Variants in DUOX1 observed in about 807,000 individuals in gnomAD.
DUOX1 encodes the protein dual oxidase 1.
Under a neutral mutation model 181.8 loss-of-function variants are expected in DUOX1, and 134 were observed. The observed-to-expected ratio is 0.74, with a 90% CI of 0.64 to 0.85. The LOEUF is 0.85. DUOX1 is among the 40% of genes least tolerant of loss of function. The pLI is 0.00. For missense variants in DUOX1, 1,814 were observed against 2,064.4 expected, an observed-to-expected ratio of 0.88 and a Z score of 2.35; for synonymous variants, 798 against 832.5, an observed-to-expected ratio of 0.96 and a Z score of 0.71.
At chr15:45,140,081 C>A in intron 12 of DUOX1, 1 of 1,362,110 alleles carries the variant, frequency 7.3e-7, no homozygotes, top group South Asian at 1.1e-5. Flanking sequence ...CAGTAGCGGT[C>A]ACCATCCCAC....
At chr15:45,162,914 C>T (rs1256940494) in intron 31 of DUOX1, among the ~76,000 whole-genome samples, 1 of 152,228 alleles carries the variant, frequency 6.6e-6, no homozygotes, top group African/African-American at 2.4e-5. Context: ...GGTGGCAGGC[C>T]CCTGCTCGTT....
At position 45,139,491 on chromosome 15, in the gene DUOX1, C is replaced by G. The variant is rs745611601; in HGVS notation, c.1281C>G (p.Gly427=). 1.9e-6 allele frequency: 3 copies of G among 1,613,100 alleles called. No individual in the cohort carries two copies. The highest frequency in any genetic ancestry group is 1.7e-5 in the Admixed American group (1 of 59,654). ...TDHLASCLQR[G]RDLGLPSYTK... ...ACCTGGCCAGCTGCCTGCAGCGGGGCCGGGATCTGGGCCTGCCCTCTTACA... is the reference window on the plus strand; with the variant it reads ...ACCTGGCCAGCTGCCTGCAGCGGGGGCGGGATCTGGGCCTGCCCTCTTACA... The change falls in exon 12 of 34, where the codon GGC becomes GGG. Residue 427 remains glycine, a synonymous_variant. Transcript: ENST00000389037.
chr15:45,134,811 C>T (rs1896244600), intron 4 of DUOX1, among the ~76,000 whole-genome samples: 1 of 152,122 alleles, frequency 6.6e-6, no homozygotes, highest in Non-Finnish European at 1.5e-5. Flanking sequence ...GCTCCTGCTG[C>T]GTTTTGGAGC....
Position 45,163,931 on chromosome 15 carries a change from C to T in DUOX1, c.4533+13C>T, listed in dbSNP as rs1897167092. ...GGTCCACCCCCAGGTCAGTCCAACCCATAACCAGGTTCTCTTCCTCTTTAT... is the reference window on the plus strand; with the variant it reads ...GGTCCACCCCCAGGTCAGTCCAACCTATAACCAGGTTCTCTTCCTCTTTAT... On this transcript the variant is annotated intron_variant, in intron 33 of 33. Transcript: ENST00000389037. 4 of 1,612,978 alleles carry T rather than the reference C, an allele frequency of 2.5e-6. No individual in the cohort carries two copies. Among genetic ancestry groups the T allele is most frequent in the Non-Finnish European group, 3.4e-6 (4 of 1,179,308 alleles).
chr15:45,141,447 C>A, intron 14 of DUOX1, 37 bp downstream of exon 14: 1 of 1,603,376 alleles, frequency 6.2e-7, no homozygotes, highest in Non-Finnish European at 8.5e-7. Flanking sequence ...AGTGGTGGGT[C>A]TGGAGCCTCG....
In DUOX1 at chr15:45,148,265, A is replaced by G. The variant is rs1192916055; in HGVS notation, c.2643-7A>G. On this transcript the variant is annotated splice_region_variant and splice_polypyrimidine_tract_variant and intron_variant, in intron 20 of 33. Transcript: ENST00000389037. The stretch of plus-strand genomic sequence containing the variant: ...AGGGCCGGATGGTTCCTCTCCCCCA[A>G]CCCCAGATCCTTCATCGAGATCTCC... 9 of 1,613,906 alleles carry G rather than the reference A, an allele frequency of 5.6e-6. No homozygotes were observed. Among genetic ancestry groups the G allele is most frequent in the Non-Finnish European group, 7.6e-6 (9 of 1,180,040 alleles).
chr15:45,142,250 G>A, intron 15 of DUOX1, 138 bp downstream of exon 15: 4 of 1,037,068 alleles, frequency 3.9e-6, no homozygotes, highest in Non-Finnish European at 5.6e-6. Context: ...AACATTAGAG[G>A]AGGAAGGGAC....
intron 9 of DUOX1, 110 bp downstream of exon 9, chr15:45,136,735 A>T (rs1896328527): frequency 1.0e-6 from 1 of 987,620 alleles, no homozygotes; most frequent in Non-Finnish European, 1.6e-6. Context: ...AAGTGTCCCC[A>T]AGGGAAAGAC....
chr15:45,153,617 T>C, intron 26 of DUOX1, 138 bp downstream of exon 26: 1 of 966,694 alleles, frequency 1.0e-6, no homozygotes. Context: ...ACCTTCTAGG[T>C]TACAGGACAG....
Position 45,147,648 on chromosome 15 carries a change from C to A in DUOX1, c.2538C>A (p.Val846=). The A allele has an allele frequency of 2.0e-5, 32 of 1,614,138 alleles. No homozygotes were observed. The highest frequency in any genetic ancestry group is 2.5e-5 in the Non-Finnish European group (29 of 1,180,028). Residue 846 remains valine (V), a synonymous_variant, in exon 19 of 34, where the codon GTC becomes GTA. Transcript: ENST00000389037. ...GAGAGTTCCTGGACATCCTGGTGGT[C>A]TTCATGAAAGGTGAGGGAGGAGGGA... ...SFREFLDILV[V]FMKGSPEEKS... is the part of the protein sequence containing the mutation.
intron 21 of DUOX1, among the ~76,000 whole-genome samples, chr15:45,148,848 C>T (rs1437392787): frequency 1.3e-5 from 2 of 151,850 alleles, no homozygotes; most frequent in Non-Finnish European, 2.9e-5. Flanking sequence ...GACTGTCTCC[C>T]TGTTACAGCC....
intron 7 of DUOX1, 86 bp from the exon 8 acceptor site, chr15:45,136,264 C>T: frequency 6.3e-7 from 1 of 1,597,898 alleles, no homozygotes; most frequent in Admixed American, 1.7e-5. Flanking sequence ...TCCTCATCTC[C>T]ACACGGAAGC....
Position 45,135,926 on chromosome 15 carries a change from A to G in DUOX1, c.842A>G (p.Lys281Arg). The G allele has an allele frequency of 2.0e-6, 3 of 1,479,412 alleles. No homozygotes were observed. The highest frequency in any genetic ancestry group is 2.5e-5 in the South Asian group (2 of 79,010). The allele number at this position is 1,479,412 out of a possible 1,614,324, so 91.6% of individuals were successfully genotyped here. A position where few individuals can be genotyped will look rare whatever the true frequency, so the allele number is the denominator to read the frequency against. The change falls in exon 7 of 34, where the codon AAG becomes AGG. Residue 281 changes from lysine to arginine, a missense_variant. Around this residue, in one of 5 missense-constraint regions of DUOX1, gnomAD observed 27 missense variants for 90.8 expected, o/e 0.30. Coordinates refer to ENST00000389037, the MANE Select transcript of DUOX1 (RefSeq NM_175940.3). ...GAGGAGCTGTTCCAGCACGCACGCA[A>G]GAGGGTCATCGCCACCTACCAGGTC... ...EDEELFQHAR[K>R]RVIATYQNIA...
In DUOX1 at chr15:45,141,387, C is replaced by T. The variant is rs764898914; in HGVS notation, c.1661C>T (p.Pro554Leu). 37 of 1,614,076 alleles carry T rather than the reference C, an allele frequency of 2.3e-5. No homozygotes were observed. Among genetic ancestry groups the T allele is most frequent in the Non-Finnish European group, 2.8e-5 (33 of 1,180,052 alleles). ...AACATTGACCCCAGTGCTCTGCAGC[C>T]CAATGTCTTTGTCTGGCATAAAGGT... ...VINIDPSALQ[P>L]NVFVWHKGDP... The change falls in exon 14 of 34, where the codon CCC becomes CTC. Residue 554 changes from proline to leucine, a missense_variant. Physicochemically the swap from Pro to Leu is moderately conservative, Grantham distance 98. Around this residue, in one of 5 missense-constraint regions of DUOX1, gnomAD observed 1,064 missense variants for 1,152.9 expected, o/e 0.92. Transcript: ENST00000389037.
At chr15:45,142,801 G>GGAAGGAAGGA (rs1567012359) in intron 15 of DUOX1, among the ~76,000 whole-genome samples, 2 of 144,676 alleles carry the variant, frequency 1.4e-5, no homozygotes, top group African/African-American at 2.6e-5. Flanking sequence ...GGGAGGAAGG[G>GGAAGGAAGGA]AGGGAGGAAG....
chr15:45,136,298 A>G, intron 7 of DUOX1, 52 bp from the exon 8 acceptor site: 2 of 1,611,458 alleles, frequency 1.2e-6, no homozygotes, highest in Non-Finnish European at 1.7e-6. Flanking sequence ...AGACCCTTCC[A>G]GGTCCCTCCC....
At chr15:45,143,038 C>T in intron 15 of DUOX1, 152 bp from the exon 16 acceptor site, 1 of 620,118 alleles carries the variant, frequency 1.6e-6, no homozygotes, top group Non-Finnish European at 2.9e-6. Context: ...GAGCAGCTTC[C>T]CCCAGGGACC....
chr15:45,135,961 C>T lies in DUOX1; in HGVS notation c.864+13C>T, dbSNP rs957372833. 2.8e-5 allele frequency: 36 copies of T among 1,301,988 alleles called. No homozygotes were observed. The African/African-American group carries it at 3.7e-4, about 13-fold the overall frequency. 80.7% of individuals were successfully genotyped at this position (1,301,988 alleles called of 1,614,324 possible). ...CGCCACCTACCAGGTCAGCCGTCCGCGCCCCGCGACGTCCTCCCTTCCGCG... is the reference window on the plus strand; with the variant it reads ...CGCCACCTACCAGGTCAGCCGTCCGTGCCCCGCGACGTCCTCCCTTCCGCG... On this transcript the variant is annotated intron_variant, in intron 7 of 33. Coordinates refer to ENST00000389037, the MANE Select transcript of DUOX1 (RefSeq NM_175940.3).
chr15:45,136,192 G>T (rs3817194), intron 7 of DUOX1, among the ~76,000 whole-genome samples, 158 bp from the exon 8 acceptor site: 1 of 150,406 alleles, frequency 6.6e-6, no homozygotes, highest in Non-Finnish European at 1.5e-5. Context: ...CTGGTTCCTT[G>T]TGGGGACAGG....
Sources: gnomAD v4.1 joint callset for allele counts (sites outside exome capture counted in the v4.1 genomes callset) on GRCh38, gnomAD v4.1.1 for gene constraint, gnomAD v4.1.1 regional missense constraint, MANE v1.5 for transcripts, NCBI Gene and HGNC (gene_info 2026-07-23, HGNC 2026-07-21) for gene names.